Variants in RFTN2 observed in about 807,000 individuals in gnomAD.
RFTN2 encodes the protein raftlin family member 2, also known as raftlin-2.
RFTN2 carries 34 observed loss-of-function variants against 52.7 expected under a neutral mutation model. That is an observed-to-expected ratio of 0.64 (90% CI 0.49 to 0.86). RFTN2 has a LOEUF of 0.86. Ranked by LOEUF, RFTN2 falls within the 40% of genes least tolerant of loss-of-function variation. The probability of loss-of-function intolerance (pLI) is 0.00; values close to 1 mark genes in which losing one functional copy is unlikely to be tolerated. For synonymous variants in RFTN2, 203 were observed against 217.7 expected (o/e 0.93, Z 0.59); for missense variants, 536 against 600.1 (o/e 0.89, Z 1.12).
At chr2:197,600,459 G>C (rs1201020213) in intron 7 of RFTN2, among the ~76,000 whole-genome samples, 1 of 152,176 alleles carries the variant, frequency 6.6e-6, no homozygotes, top group African/African-American at 2.4e-5. Context: ...GCTACTTTCA[G>C]ACCAGCTGTG....
rs981920089 is a variant in RFTN2, at chr2:197,571,351, A to C, written c.*657T>G. ...ATGCTGCTTTGCTGTCTGCATTTTT[A>C]GGCTTTTAGGAGCAACAACATTTAT... On this transcript the variant is annotated 3_prime_UTR_variant, in exon 9 of 9. Transcript: ENST00000295049. 1 of 152,500 alleles carries C rather than the reference A, an allele frequency of 6.6e-6. No homozygotes were observed. Among genetic ancestry groups the C allele is most frequent in the Non-Finnish European group, 1.5e-5 (1 of 68,024 alleles). 9.4% of individuals were successfully genotyped at this position (152,500 alleles called of 1,614,324 possible).
chr2:197,673,437 AC>A (rs1458865392), intron 1 of RFTN2, among the ~76,000 whole-genome samples: 1 of 152,188 alleles, frequency 6.6e-6, no homozygotes, highest in African/African-American at 2.4e-5. Context: ...GAAGACAGAA[AC>A]AAAGAAAAAA....
chr2:197,580,599 C>A (rs1341939373), intron 8 of RFTN2, among the ~76,000 whole-genome samples: 18 of 152,234 alleles, frequency 1.2e-4, no homozygotes, highest in Non-Finnish European at 1.0e-4. Context: ...GCTGATGCTG[C>A]CTGATCACCT....
chr2:197,606,128 T>C (rs1463183966), intron 7 of RFTN2, among the ~76,000 whole-genome samples: 1 of 152,170 alleles, frequency 6.6e-6, no homozygotes, highest in Non-Finnish European at 1.5e-5. Context: ...TAGCTGAGAC[T>C]TTTTTCACCC....
intron 1 of RFTN2, among the ~76,000 whole-genome samples, chr2:197,649,837 G>A (rs2088800917): frequency 6.6e-6 from 1 of 152,170 alleles, no homozygotes; most frequent in Admixed American, 6.5e-5. Context: ...GAAGTTCAAA[G>A]AGGCACTTAA....
At chr2:197,635,287 T>C (rs926423537) in intron 3 of RFTN2, among the ~76,000 whole-genome samples, 2 of 152,198 alleles carry the variant, frequency 1.3e-5, no homozygotes, top group African/African-American at 4.8e-5. Flanking sequence ...GTATTTCTAG[T>C]TCTAGATCCC....
chr2:197,584,445 AC>A (rs1255911133), intron 8 of RFTN2, among the ~76,000 whole-genome samples: 1 of 152,062 alleles, frequency 6.6e-6, no homozygotes, highest in African/African-American at 2.4e-5. Context: ...TGCTTTGCCC[AC>A]TTTTTGATAG....
At position 197,594,198 on chromosome 2, in the gene RFTN2, T is replaced by G. The variant is rs566648038; in HGVS notation, c.1233+1793A>C. Among the ~76,000 whole-genome samples, 3 of 151,698 alleles carry G rather than the reference T, an allele frequency of 2.0e-5. No individual in the cohort carries two copies. In the East Asian group the frequency reaches 6.0e-4, roughly 30 times the overall value. On this transcript the variant is annotated intron_variant, in intron 8 of 8. Transcript: ENST00000295049. ...GCCTGGCTAATTTTTGTATTTTTAG[T>G]AGAGACAGGGATTCTCCATGTTAGC...
rs2087271544 is a variant in RFTN2, at chr2:197,568,715, A to G, written c.*3293T>C. On this transcript the variant is annotated 3_prime_UTR_variant, in exon 9 of 9. Coordinates refer to ENST00000295049, the MANE Select transcript of RFTN2 (RefSeq NM_144629.3). ...CTGGGGCTCTGAAGAGTTAAGAGAAAGAAATCCTCTTTAGCCATATGGGGA... is the reference window on the plus strand; with the variant it reads ...CTGGGGCTCTGAAGAGTTAAGAGAAGGAAATCCTCTTTAGCCATATGGGGA... 1 of 152,250 alleles carries G rather than the reference A, an allele frequency of 6.6e-6. No individual in the cohort carries two copies. Among genetic ancestry groups the G allele is most frequent in the East Asian group, 1.9e-4 (1 of 5,200 alleles). 9.4% of individuals were successfully genotyped at this position (152,250 alleles called of 1,614,324 possible).
chr2:197,637,623 TTC>T (rs1438380031), intron 3 of RFTN2, among the ~76,000 whole-genome samples: 1 of 152,192 alleles, frequency 6.6e-6, no homozygotes, highest in Non-Finnish European at 1.5e-5. Flanking sequence ...TATTTGATTC[TTC>T]TCTCTTTTTC....
chr2:197,569,565 A>G lies in RFTN2; in HGVS notation c.*2443T>C, dbSNP rs1278488913. Reference sequence around the variant, plus strand: ...AGTTTATTTTAATAAAAGTTATTTTAATAAGAAATAACTCAGATTAAAAAT... The same window carrying G: ...AGTTTATTTTAATAAAAGTTATTTTGATAAGAAATAACTCAGATTAAAAAT... On this transcript the variant is annotated 3_prime_UTR_variant, in exon 9 of 9. Coordinates refer to ENST00000295049, the MANE Select transcript of RFTN2 (RefSeq NM_144629.3). The G allele has an allele frequency of 6.6e-6, 1 of 152,236 alleles. No individual in the cohort carries two copies. The highest frequency in any genetic ancestry group is 2.4e-5 in the African/African-American group (1 of 41,468). 9.4% of individuals were successfully genotyped at this position (152,236 alleles called of 1,614,324 possible).
chr2:197,622,711 C>T (rs976881879), intron 5 of RFTN2, among the ~76,000 whole-genome samples: 4 of 152,194 alleles, frequency 2.6e-5, no homozygotes, highest in Middle Eastern at 3.2e-3. Context: ...TTCAAAGCTT[C>T]GTAGGACACG....
At chr2:197,634,401 G>A (rs2088524342) in intron 3 of RFTN2, among the ~76,000 whole-genome samples, 1 of 151,952 alleles carries the variant, frequency 6.6e-6, no homozygotes, top group African/African-American at 2.4e-5. Context: ...CATTAATAAA[G>A]GTTTATTAAA....
In RFTN2 at chr2:197,611,025, T is replaced by C. The variant is rs186092579; in HGVS notation, c.1154+4851A>G. Among the ~76,000 whole-genome samples, 6 of 152,382 alleles carry C rather than the reference T, an allele frequency of 3.9e-5. No individual in the cohort carries two copies. The East Asian group carries it at 7.7e-4, about 20-fold the overall frequency. Reference sequence around the variant, plus strand: ...CTGGATTCGGTTTGCCAGTATTTTATTGATGAGCTTCATATCATTGTTCAT... The same window carrying C: ...CTGGATTCGGTTTGCCAGTATTTTACTGATGAGCTTCATATCATTGTTCAT... On this transcript the variant is annotated intron_variant, in intron 7 of 8. Transcript: ENST00000295049.
intron 8 of RFTN2, among the ~76,000 whole-genome samples, chr2:197,590,833 C>T (rs1182612158): frequency 6.6e-6 from 1 of 152,170 alleles, no homozygotes; most frequent in East Asian, 1.9e-4. Context: ...AAGCTGCAGA[C>T]CTTCGCAGTA....
At position 197,674,393 on chromosome 2, in the gene RFTN2, GA is replaced by G. The variant is rs938675033; in HGVS notation, c.139+926del. Among the ~76,000 whole-genome samples, 21 of 142,680 alleles carry G rather than the reference GA, an allele frequency of 1.5e-4. 3 individuals are homozygous for G. The highest frequency in any genetic ancestry group is 5.1e-4 in the African/African-American group (20 of 39,528). The allele number at this position is 142,680 out of a possible 152,430, so 93.6% of individuals were successfully genotyped here. A position where few individuals can be genotyped will look rare whatever the true frequency, so the allele number is the denominator to read the frequency against. The stretch of plus-strand genomic sequence containing the variant: ...AGAATGTGTGTAAACAAAAAATTTG[GA>G]AAAAAATTAAGATAATATTCAACAT... On this transcript the variant is annotated intron_variant, in intron 1 of 8. Transcript: ENST00000295049.
chr2:197,626,232 A>G (rs1228951971), intron 5 of RFTN2, among the ~76,000 whole-genome samples: 2 of 152,148 alleles, frequency 1.3e-5, no homozygotes, highest in African/African-American at 2.4e-5. Flanking sequence ...CAGGCACCTT[A>G]TGTAAAATCT....
chr2:197,620,082 A>G (rs944848301), intron 5 of RFTN2, among the ~76,000 whole-genome samples: 1 of 152,212 alleles, frequency 6.6e-6, no homozygotes, highest in Admixed American at 6.5e-5. Context: ...AAACAGCATA[A>G]AACTGTTAAT....
chr2:197,613,996 C>T (rs1016148839), intron 7 of RFTN2, among the ~76,000 whole-genome samples: 2 of 152,242 alleles, frequency 1.3e-5, no homozygotes, highest in Non-Finnish European at 2.9e-5. Context: ...ATGATCCCAT[C>T]CAACTTTGAC....
Sources: gnomAD v4.1 joint callset for allele counts (sites outside exome capture counted in the v4.1 genomes callset) on GRCh38, gnomAD v4.1.1 for gene constraint, MANE v1.5 for transcripts, NCBI Gene and HGNC (gene_info 2026-07-23, HGNC 2026-07-21) for gene names.